The following PDE4B variants were observed in gnomAD, a reference collection of about 807,000 sequenced individuals.
PDE4B encodes the protein 3',5'-cyclic-AMP phosphodiesterase 4B.
PDE4B carries 20 observed loss-of-function variants against 82.2 expected under a neutral mutation model. That is an observed-to-expected ratio of 0.24 (90% CI 0.17 to 0.35). PDE4B has a LOEUF of 0.35. PDE4B is among the 10% of genes least tolerant of loss of function. The probability of loss-of-function intolerance (pLI) is 1.00; values close to 1 mark genes in which losing one functional copy is unlikely to be tolerated. For synonymous variants in PDE4B, 320 were observed against 318.9 expected, an observed-to-expected ratio of 1.00 and a Z score of -0.04; for missense variants, 655 against 907.2, an observed-to-expected ratio of 0.72 and a Z score of 3.57.
At chr1:65,935,191 A>G (rs1445324845) in intron 3 of PDE4B, among the ~76,000 whole-genome samples, 1 of 152,204 alleles carries the variant, frequency 6.6e-6, no homozygotes, top group East Asian at 1.9e-4. Context: ...TGAAACTAGA[A>G]ATCAGTAGCA....
chr1:65,814,088 G>A (rs1570963641), intron 1 of PDE4B, among the ~76,000 whole-genome samples: 1 of 152,116 alleles, frequency 6.6e-6, no homozygotes, highest in Non-Finnish European at 1.5e-5. Flanking sequence ...GTGAACAGAA[G>A]GGCTGGGGCA....
intron 3 of PDE4B, among the ~76,000 whole-genome samples, chr1:65,988,822 A>G (rs1467044000): frequency 6.6e-6 from 1 of 152,122 alleles, no homozygotes; most frequent in Non-Finnish European, 1.5e-5. Flanking sequence ...TTGTTTTATA[A>G]TAGTTGAAAA....
At chr1:66,105,490 A>C (rs1056745941) in intron 3 of PDE4B, among the ~76,000 whole-genome samples, 1 of 152,000 alleles carries the variant, frequency 6.6e-6, no homozygotes, top group Non-Finnish European at 1.5e-5. Flanking sequence ...GTCATTGGTA[A>C]CTTGATGGGG....
intron 7 of PDE4B, among the ~76,000 whole-genome samples, chr1:66,271,564 C>G (rs942031784): frequency 6.6e-6 from 1 of 152,204 alleles, no homozygotes. Flanking sequence ...AGCAGTAAGC[C>G]AGAGAAAGGG....
At chr1:66,105,317 G>T (rs1203701175) in intron 3 of PDE4B, among the ~76,000 whole-genome samples, 2 of 151,608 alleles carry the variant, frequency 1.3e-5, no homozygotes, top group Admixed American at 6.6e-5. Context: ...TTTGGTACCA[G>T]TACCATGCTA....
intron 3 of PDE4B, among the ~76,000 whole-genome samples, chr1:66,238,427 A>G (rs920754936): frequency 6.6e-6 from 1 of 152,204 alleles, no homozygotes; most frequent in South Asian, 2.1e-4. Context: ...AGGCAGTGAC[A>G]TGATTTTATT....
intron 3 of PDE4B, among the ~76,000 whole-genome samples, chr1:66,006,817 G>T (rs555005109): frequency 1.6e-4 from 24 of 152,146 alleles, no homozygotes; most frequent in Admixed American, 1.6e-3. Flanking sequence ...TTCCTCTTCT[G>T]CCATGATTGT....
chr1:66,168,663 G>A (rs1646782039), intron 3 of PDE4B, among the ~76,000 whole-genome samples: 1 of 152,186 alleles, frequency 6.6e-6, no homozygotes. Context: ...GAATAGAAGG[G>A]AGGCCAACTG....
chr1:66,120,514 A>C (rs1329506589), intron 3 of PDE4B, among the ~76,000 whole-genome samples: 1 of 152,170 alleles, frequency 6.6e-6, no homozygotes, highest in Admixed American at 6.5e-5. Context: ...TAGAGATCAC[A>C]ACTTGGACTC....
At chr1:65,908,443 A>AT (rs1647051265) in intron 1 of PDE4B, among the ~76,000 whole-genome samples, 1 of 152,168 alleles carries the variant, frequency 6.6e-6, no homozygotes, top group Non-Finnish European at 1.5e-5. Flanking sequence ...ATGGAGAAGG[A>AT]TTTTGTGCTT....
intron 3 of PDE4B, among the ~76,000 whole-genome samples, chr1:66,013,967 A>AT (rs927609608): frequency 6.6e-6 from 1 of 151,898 alleles, no homozygotes; most frequent in Non-Finnish European, 1.5e-5. Flanking sequence ...ATTTTCTGTT[A>AT]TTTTTTTCTG....
intron 3 of PDE4B, among the ~76,000 whole-genome samples, chr1:65,976,917 T>C (rs577859837): frequency 2.2e-4 from 34 of 152,224 alleles, no homozygotes; most frequent in Non-Finnish European, 3.8e-4. Flanking sequence ...AGTGTGAGAA[T>C]GGACTAACAG....
intron 3 of PDE4B, among the ~76,000 whole-genome samples, chr1:66,085,781 A>G (rs1656972301): frequency 6.6e-6 from 1 of 152,126 alleles, no homozygotes; most frequent in African/African-American, 2.4e-5. Context: ...CATGCAGTAC[A>G]TATTTCCCTT....
chr1:65,993,248 A>G (rs1651346244), intron 3 of PDE4B: 1 of 788,504 alleles, frequency 1.3e-6, no homozygotes, highest in South Asian at 1.8e-5. Context: ...TTCCTAAAAC[A>G]TACTGCAAGT....
chr1:65,854,208 A>G (rs1005758683), intron 1 of PDE4B, among the ~76,000 whole-genome samples: 35 of 151,510 alleles, frequency 2.3e-4, no homozygotes, highest in Non-Finnish European at 4.7e-4. Flanking sequence ...ATGCAAATAT[A>G]TATATACATT....
chr1:66,354,979 G>A, intron 8 of PDE4B: 1 of 1,225,140 alleles, frequency 8.2e-7, no homozygotes, highest in African/African-American at 1.5e-5. Flanking sequence ...CAGGACATCT[G>A]TAATAATTTG....
chr1:65,831,440 C>T (rs1157969109), intron 1 of PDE4B, among the ~76,000 whole-genome samples: 1 of 152,048 alleles, frequency 6.6e-6, no homozygotes, highest in African/African-American at 2.4e-5. Context: ...CTTTGAGGGA[C>T]TGGATCCATT....
chr1:65,970,338 G>A (rs1452506311), intron 3 of PDE4B, among the ~76,000 whole-genome samples: 1 of 151,956 alleles, frequency 6.6e-6, no homozygotes, highest in East Asian at 1.9e-4. Flanking sequence ...CATGTCCAGA[G>A]GCAGGGGCTA....
At chr1:65,967,320 C>T (rs1199067285) in intron 3 of PDE4B, among the ~76,000 whole-genome samples, 2 of 152,136 alleles carry the variant, frequency 1.3e-5, no homozygotes, top group African/African-American at 4.8e-5. Flanking sequence ...CAATGCAAAT[C>T]AAAACCACAA....
Sources: gnomAD v4.1 joint callset for allele counts (sites outside exome capture counted in the v4.1 genomes callset) on GRCh38, gnomAD v4.1.1 for gene constraint, MANE v1.5 for transcripts, NCBI Gene and HGNC (gene_info 2026-07-23, HGNC 2026-07-21) for gene names.